Variants in NFIX observed in about 807,000 individuals in gnomAD.
NFIX encodes nuclear factor I X.
A neutral mutation model predicts 53.3 loss-of-function variants in NFIX; 2 were observed. The ratio of observed to expected loss-of-function variants is 0.04; its 90% CI spans 0.02 to 0.12. The LOEUF is 0.12. NFIX is among the 10% of genes least tolerant of loss of function. The pLI is 1.00. For missense variants in NFIX, 310 were observed against 674.5 expected (o/e 0.46, Z 5.99); for synonymous variants, 244 against 289.0 (o/e 0.84, Z 1.58).
rs1444063686 is a variant in NFIX, at chr19:13,013,046, G to C, written c.28-11975G>C. Among the ~76,000 whole-genome samples the C allele has an allele frequency of 1.4e-4, 20 of 146,958 alleles. No individual in the cohort carries two copies. Among genetic ancestry groups the C allele is most frequent in the Admixed American group, 1.3e-3 (19 of 14,128 alleles). On this transcript the variant is annotated intron_variant, in intron 1 of 10. Coordinates refer to ENST00000592199, the MANE Select transcript of NFIX (RefSeq NM_001365902.3). The surrounding 1 kb of genome is among the most constrained non-coding windows in gnomAD (Gnocchi z 5.9). The stretch of plus-strand genomic sequence containing the variant: ...TCTCTCTCTTCTGCCTTCGGGCCGC[G>C]GGGAGTTGCGCAGACTCTAAAAAAA...
In NFIX at chr19:13,037,291, C is replaced by T. The variant is rs564887825; in HGVS notation, c.559+11739C>T. Reference sequence around the variant, plus strand: ...TGGGGCCACTTGCTTAAGGGAGACCCGACTTCTGCACCCGGTCATATCCTC... The same window carrying T: ...TGGGGCCACTTGCTTAAGGGAGACCTGACTTCTGCACCCGGTCATATCCTC... On this transcript the variant is annotated intron_variant, in intron 2 of 10. Transcript: ENST00000592199. The surrounding 1 kb of genome is among the most constrained non-coding windows in gnomAD (Gnocchi z 4.2). Among the ~76,000 whole-genome samples the T allele has an allele frequency of 2.6e-5, 4 of 152,268 alleles. No individual in the cohort carries two copies. The highest frequency in any genetic ancestry group is 2.1e-4 in the South Asian group (1 of 4,820).
chr19:13,066,438 G>A lies in NFIX; in HGVS notation c.560-6609G>A, dbSNP rs951116821. ...CCTAGACCACATGTGGGTGTCACTCGGTTTCTTCCTCTTTCCTGTCACTTA... is the reference window on the plus strand; with the variant it reads ...CCTAGACCACATGTGGGTGTCACTCAGTTTCTTCCTCTTTCCTGTCACTTA... On this transcript the variant is annotated intron_variant, in intron 2 of 10. Transcript: ENST00000592199. This position sits in a 1 kb window ranked among gnomAD's most constrained non-coding sequence, Gnocchi z 4.2. Among the ~76,000 whole-genome samples, 1 of 151,454 alleles carries A rather than the reference G, an allele frequency of 6.6e-6. No homozygotes were observed. The highest frequency in any genetic ancestry group is 1.5e-5 in the Non-Finnish European group (1 of 67,916).
chr19:13,034,913 T>C (rs1321386027), intron 2 of NFIX, among the ~76,000 whole-genome samples: 2 of 152,186 alleles, frequency 1.3e-5, no homozygotes, highest in East Asian at 3.9e-4. Context: ...GAGCAGCATT[T>C]CCCAACTGCG....
At chr19:13,054,018 C>T (rs1264184172) in intron 2 of NFIX, among the ~76,000 whole-genome samples, 2 of 152,330 alleles carry the variant, frequency 1.3e-5, no homozygotes, top group Admixed American at 1.3e-4. Context: ...TTGCGTGTTT[C>T]CTGAGCACGG....
rs1403421239 is a variant in NFIX, at chr19:13,058,560, C to G, written c.560-14487C>G. On this transcript the variant is annotated intron_variant, in intron 2 of 10. Transcript: ENST00000592199. ...GGAGGCTAAGTAGCTGGGACCACAG[C>G]TGCATGCTACCACCCCCAGCTAATT... Among the ~76,000 whole-genome samples, 9 of 149,782 alleles carry G rather than the reference C, an allele frequency of 6.0e-5. No individual in the cohort carries two copies. The South Asian group carries it at 1.1e-3, about 18-fold the overall frequency.
Position 13,095,743 on chromosome 19 carries a change from T to C in NFIX, c.*1094T>C, listed in dbSNP as rs2018409075. ...ACCTGCGCTTAGGTAGGCGTCCTGC[T>C]CGCCGACTTTCAGTTCCTTGGGAGG... is the stretch of plus-strand genomic sequence containing the variant. On this transcript the variant is annotated 3_prime_UTR_variant, in exon 11 of 11. Coordinates refer to ENST00000592199, the MANE Select transcript of NFIX (RefSeq NM_001365902.3). 2 of 152,294 alleles carry C rather than the reference T, an allele frequency of 1.3e-5. No homozygotes were observed. The highest frequency in any genetic ancestry group is 4.8e-5 in the African/African-American group (2 of 41,436). 9.4% of individuals were successfully genotyped at this position (152,294 alleles called of 1,614,324 possible). A position where few individuals can be genotyped will look rare whatever the true frequency, so the allele number is the denominator to read the frequency against.
In NFIX at chr19:13,043,919, G is replaced by A. The variant is rs2014807337; in HGVS notation, c.559+18367G>A. 6.6e-6 allele frequency among the ~76,000 whole-genome samples: 1 copy of A among 152,068 alleles called. No homozygotes were observed. Among genetic ancestry groups the A allele is most frequent in the Non-Finnish European group, 1.5e-5 (1 of 68,014 alleles). ...GTGGGAGGATCATTTGAGCCCAGGA[G>A]TTCGAGCCTGGGCCACGTAGCAAGA... On this transcript the variant is annotated intron_variant, in intron 2 of 10. Transcript: ENST00000592199. This position sits in a 1 kb window ranked among gnomAD's most constrained non-coding sequence, Gnocchi z 4.0.
rs2013440436 is a variant in NFIX at position 13,027,266 on chromosome 19, G to A, written c.559+1714G>A. On this transcript the variant is annotated intron_variant, in intron 2 of 10. Coordinates refer to ENST00000592199, the MANE Select transcript of NFIX (RefSeq NM_001365902.3). The surrounding 1 kb of genome is among the most constrained non-coding windows in gnomAD (Gnocchi z 4.3). The stretch of plus-strand genomic sequence containing the variant: ...CGTGACCCGTCATGCAGAAGGGCCA[G>A]GTGCCAGTCATTCCCCCTCCCTTCA... Among the ~76,000 whole-genome samples the A allele has an allele frequency of 6.6e-6, 1 of 152,176 alleles. No homozygotes were observed. Among genetic ancestry groups the A allele is most frequent in the Non-Finnish European group, 1.5e-5 (1 of 68,042 alleles).
At chr19:12,999,490 ACAC>A (rs2011597028) in intron 1 of NFIX, among the ~76,000 whole-genome samples, 1 of 12,506 alleles carries the variant, frequency 8.0e-5, no homozygotes, top group Non-Finnish European at 1.3e-4. Context: ...CTTTTCAAAC[ACAC>A]ACACACACAC....
In NFIX at chr19:13,021,680, A is replaced by C. The variant is rs1548547; in HGVS notation, c.28-3341A>C. Among the ~76,000 whole-genome samples the C allele has an allele frequency of 0.051, 7,777 of 151,908 alleles. 664 individuals carry two copies. The highest frequency in any genetic ancestry group is 0.17 in the African/African-American group (7,123 of 41,370). Reference sequence around the variant, plus strand: ...CTGCTTTTCCTTTTATGTCATATCTATTTCCTTCTTACTGTGTTTCGAAGG... The same window carrying C: ...CTGCTTTTCCTTTTATGTCATATCTCTTTCCTTCTTACTGTGTTTCGAAGG... On this transcript the variant is annotated intron_variant, in intron 1 of 10. Coordinates refer to ENST00000592199, the MANE Select transcript of NFIX (RefSeq NM_001365902.3). This position sits in a 1 kb window ranked among gnomAD's most constrained non-coding sequence, Gnocchi z 4.2.
At chr19:13,007,589 G>T (rs1291120159) in intron 1 of NFIX, among the ~76,000 whole-genome samples, 2 of 152,160 alleles carry the variant, frequency 1.3e-5, no homozygotes, top group African/African-American at 4.8e-5. Flanking sequence ...TCCCCCCAAG[G>T]TTCCAAGATT....
chr19:13,039,601 A>C (rs535618532), intron 2 of NFIX, among the ~76,000 whole-genome samples: 1 of 152,258 alleles, frequency 6.6e-6, no homozygotes, highest in South Asian at 2.1e-4. Context: ...CTTGTCACGA[A>C]AACAGGGACC....
rs74564886 is a variant in NFIX, at chr19:13,091,182, G to T, written c.1494+792G>T. Among the ~76,000 whole-genome samples, 508 of 152,172 alleles carry T rather than the reference G, an allele frequency of 3.3e-3. 2 individuals are homozygous for T. Among genetic ancestry groups the T allele is most frequent in the African/African-American group, 0.012 (489 of 41,504 alleles). On this transcript the variant is annotated intron_variant, in intron 10 of 10. Transcript: ENST00000592199. The stretch of plus-strand genomic sequence containing the variant: ...TTTTACCACCCAGGGTTTTGAAAAA[G>T]AACATGCAAAGATCTTTCTTTTGCA...
rs1205557669 is a variant in NFIX, at chr19:13,088,092, C to A, written c.1358C>A (p.Thr453Asn). The change falls in exon 9 of 11, where the codon ACC becomes AAC. Residue 453 changes from threonine to asparagine, a missense_variant. By Grantham distance (65) the Thr-to-Asn change is moderately conservative. This residue lies in a region of NFIX where 44 missense variants were observed against 73.4 expected (regional missense o/e 0.60). Coordinates refer to ENST00000592199, the MANE Select transcript of NFIX (RefSeq NM_001365902.3). This position sits in a 1 kb window ranked among gnomAD's most constrained non-coding sequence, Gnocchi z 5.9. ...CTTCCTATGCCTGATTCCAAATCCACCAGCACTGCCCCAGACGGCGCCGCC... is the reference window on the plus strand; with the variant it reads ...CTTCCTATGCCTGATTCCAAATCCAACAGCACTGCCCCAGACGGCGCCGCC... ...VPLPMPDSKS[T>N]STAPDGAALT... The A allele has an allele frequency of 1.3e-6, 2 of 1,536,414 alleles. No homozygotes were observed. The highest frequency in any genetic ancestry group is 1.7e-6 in the Non-Finnish European group (2 of 1,146,990).
chr19:13,079,867 T>C (rs2017355880), intron 7 of NFIX, among the ~76,000 whole-genome samples: 1 of 152,218 alleles, frequency 6.6e-6, no homozygotes, highest in African/African-American at 2.4e-5. Context: ...GGTTGGGAAT[T>C]GCGTGTGCAA....
rs1205586401 is a variant in NFIX at position 13,021,621 on chromosome 19, C to T, written c.28-3400C>T. 3.3e-5 allele frequency among the ~76,000 whole-genome samples: 5 copies of T among 152,194 alleles called. No homozygotes were observed. The East Asian group carries it at 7.7e-4, about 23-fold the overall frequency. On this transcript the variant is annotated intron_variant, in intron 1 of 10. Coordinates refer to ENST00000592199, the MANE Select transcript of NFIX (RefSeq NM_001365902.3). This position sits in a 1 kb window ranked among gnomAD's most constrained non-coding sequence, Gnocchi z 4.2. ...TGGGGTTCTGAGTGGAATTGGATCC[C>T]TTTCTCCCTGTCTGCAGCCACATCC...
At chr19:13,080,877 G>A (rs1392335884) in intron 7 of NFIX, among the ~76,000 whole-genome samples, 2 of 152,190 alleles carry the variant, frequency 1.3e-5, no homozygotes, top group South Asian at 2.1e-4. Flanking sequence ...GTGGGCGCCT[G>A]TAGTCCCAGC....
At position 13,013,151 on chromosome 19, in the gene NFIX, A is replaced by G. The variant is rs1405064856; in HGVS notation, c.28-11870A>G. On this transcript the variant is annotated intron_variant, in intron 1 of 10. Transcript: ENST00000592199. This position sits in a 1 kb window ranked among gnomAD's most constrained non-coding sequence, Gnocchi z 5.9. ...TTCCCTCTCAGGGCTGATTTCTTGA[A>G]TTTGGGGCGTCGAGGCCTCCCCACC... Among the ~76,000 whole-genome samples, 1 of 151,880 alleles carries G rather than the reference A, an allele frequency of 6.6e-6. No homozygotes were observed. Among genetic ancestry groups the G allele is most frequent in the Non-Finnish European group, 1.5e-5 (1 of 67,986 alleles).
At chr19:13,075,018 T>G (rs2016997400) in intron 5 of NFIX, among the ~76,000 whole-genome samples, 2 of 129,730 alleles carry the variant, frequency 1.5e-5, no homozygotes, top group Non-Finnish European at 3.1e-5. Flanking sequence ...TGCAGTGAGC[T>G]GAGATCACGC....
Sources: gnomAD v4.1 joint callset for allele counts (sites outside exome capture counted in the v4.1 genomes callset) on GRCh38, gnomAD v4.1.1 for gene constraint, gnomAD v4.1.1 regional missense constraint, Gnocchi (gnomAD v3.1) non-coding constraint, MANE v1.5 for transcripts, NCBI Gene and HGNC (gene_info 2026-07-23, HGNC 2026-07-21) for gene names.